TMEM43: variants seen among roughly 807,000 people sequenced by gnomAD.
TMEM43 encodes the protein arrhythmogenic right ventricular dysplasia 5.
A neutral mutation model predicts 49.6 loss-of-function variants in TMEM43; 45 were observed. That is an observed-to-expected ratio of 0.91 (90% CI 0.71 to 1.16). The LOEUF (loss-of-function observed/expected upper bound fraction) is 1.16. Ranked by LOEUF, TMEM43 falls within the 50% of genes most tolerant of loss-of-function variation. The probability of loss-of-function intolerance (pLI) is 0.00; values close to 1 mark genes in which losing one functional copy is unlikely to be tolerated. For synonymous variants in TMEM43, 199 were observed against 207.8 expected (o/e 0.96, Z 0.36); for missense variants, 532 against 516.6 (o/e 1.03, Z -0.29).
chr3:14,130,037 G>T lies in TMEM43; in HGVS notation c.162+476G>T, dbSNP rs192958719. Among the ~76,000 whole-genome samples, 627 of 86,470 alleles carry T rather than the reference G, an allele frequency of 7.3e-3. 4 individuals are homozygous for T. Among genetic ancestry groups the T allele is most frequent in the African/African-American group, 0.026 (582 of 22,090 alleles). 56.7% of individuals were successfully genotyped at this position (86,470 alleles called of 152,430 possible). ...CCTCCCTCCCTCCCTCCCTTCCTTT[G>T]TTCCTTTCTTCCTTCCTTCCTTTGT... On this transcript the variant is annotated intron_variant, in intron 2 of 11. Coordinates refer to ENST00000306077, the MANE Select transcript of TMEM43 (RefSeq NM_024334.3).
At chr3:14,134,082 C>T (rs371728126) in intron 7 of TMEM43, among the ~76,000 whole-genome samples, 14 of 152,332 alleles carry the variant, frequency 9.2e-5, no homozygotes, top group East Asian at 7.7e-4. Context: ...TGCTGCGTGC[C>T]GGTGTCTGCT....
Position 14,132,043 on chromosome 3 carries a change from T to A in TMEM43, c.392+369T>A, listed in dbSNP as rs373778284. Among the ~76,000 whole-genome samples, 14 of 139,288 alleles carry A rather than the reference T, an allele frequency of 1.0e-4. No individual in the cohort carries two copies. The East Asian group carries it at 3.1e-3, about 30-fold the overall frequency. 91.4% of individuals were successfully genotyped at this position (139,288 alleles called of 152,430 possible). The stretch of plus-strand genomic sequence containing the variant: ...CTTCCCATCAGCTGTGTTGGTCCCA[T>A]CTTTGCTCTACTTACAGCTTATCGT... On this transcript the variant is annotated intron_variant, in intron 4 of 11. Transcript: ENST00000306077.
chr3:14,140,935 G>A (rs1419261474), intron 11 of TMEM43, among the ~76,000 whole-genome samples: 2 of 152,194 alleles, frequency 1.3e-5, no homozygotes, highest in African/African-American at 4.8e-5. Context: ...GGAACTGAGC[G>A]AAGATTCCCT....
intron 11 of TMEM43, among the ~76,000 whole-genome samples, chr3:14,140,917 G>C (rs992651830): frequency 6.6e-6 from 1 of 152,204 alleles, no homozygotes; most frequent in South Asian, 2.1e-4. Context: ...ACCATTGGTG[G>C]CCTCCTGGGA....
chr3:14,136,737 C>T lies in TMEM43; in HGVS notation c.882+829C>T, dbSNP rs557338556. 1.5e-5 allele frequency among the ~76,000 whole-genome samples: 2 copies of T among 136,356 alleles called. 1 individual carries two copies. The highest frequency in any genetic ancestry group is 6.2e-5 in the African/African-American group (2 of 32,154). 89.5% of individuals were successfully genotyped at this position (136,356 alleles called of 152,430 possible). ...GGCTCCACCAAAGTCTGTGTCCTTC[C>T]AGAACATTAGGAGGGCGGGGAAGGG... On this transcript the variant is annotated intron_variant, in intron 10 of 11. Transcript: ENST00000306077.
In TMEM43 at chr3:14,133,804, C is replaced by T. The variant is rs140380494; in HGVS notation, c.578C>T (p.Ser193Leu). The T allele has an allele frequency of 2.4e-5, 38 of 1,614,140 alleles. 1 individual carries two copies. The highest frequency in any genetic ancestry group is 2.6e-5 in the Non-Finnish European group (31 of 1,179,966). ...GTCCAAATTGGCAGGTTTTTCCTCTCGTCAGGTAAGTCTCAGGCCTCTCCA... is the reference window on the plus strand; with the variant it reads ...GTCCAAATTGGCAGGTTTTTCCTCTTGTCAGGTAAGTCTCAGGCCTCTCCA... Reference protein sequence around the residue: ...PFVQIGRFFLSSGLIDKVDNF... With the variant: ...PFVQIGRFFLLSGLIDKVDNF... The change falls in exon 7 of 12, where the codon TCG becomes TTG. Residue 193 changes from serine (S) to leucine (L), a missense_variant. Coordinates refer to ENST00000306077, the MANE Select transcript of TMEM43 (RefSeq NM_024334.3).
rs770619613 is a variant in TMEM43, at chr3:14,129,446, A to G, written c.47A>G (p.Lys16Arg). The change falls in exon 2 of 12, where the codon AAA becomes AGA. Residue 16 changes from lysine to arginine, a missense_variant. Transcript: ENST00000306077. ...SSTSTRREHVKVKTSSQPGFL... is the reference protein window; with the variant it reads ...SSTSTRREHVRVKTSSQPGFL... ...ACCAGTACCCGGAGAGAACATGTCA[A>G]AGTTAAAACCAGCTCCCAGCCAGGC... is the stretch of plus-strand genomic sequence containing the variant. 21 of 1,614,068 alleles carry G rather than the reference A, an allele frequency of 1.3e-5. No homozygotes were observed. Among genetic ancestry groups the G allele is most frequent in the Non-Finnish European group, 1.7e-5 (20 of 1,180,004 alleles).
intron 11 of TMEM43, 67 bp from the exon 12 acceptor site, chr3:14,141,526 G>A (rs1266777429): frequency 6.8e-7 from 1 of 1,461,914 alleles, no homozygotes; most frequent in South Asian, 1.1e-5. Flanking sequence ...TCTAGGGACA[G>A]GAGAGATCTG....
At chr3:14,136,235 ATGGGGTCAAG>A (rs1695168547) in intron 10 of TMEM43, among the ~76,000 whole-genome samples, 2 of 152,238 alleles carry the variant, frequency 1.3e-5, no homozygotes, top group African/African-American at 4.8e-5. Context: ...AACCCGTCAC[ATGGGGTCAAG>A]TGTGGGATTT....
intron 4 of TMEM43, 116 bp from the exon 5 acceptor site, chr3:14,132,430 C>A: frequency 9.6e-7 from 1 of 1,036,612 alleles, no homozygotes; most frequent in Non-Finnish European, 1.5e-6. Context: ...AGGCATCTGC[C>A]GTATCTGGGG....
intron 10 of TMEM43, among the ~76,000 whole-genome samples, chr3:14,138,966 C>T (rs1453167160): frequency 6.6e-6 from 1 of 152,192 alleles, no homozygotes; most frequent in Non-Finnish European, 1.5e-5. Context: ...CTGAGGAAGG[C>T]CCGTACGTTC....
chr3:14,127,007 G>T (rs1223823594), intron 1 of TMEM43, among the ~76,000 whole-genome samples: 1 of 152,132 alleles, frequency 6.6e-6, no homozygotes, highest in African/African-American at 2.4e-5. Context: ...ATCAAATCCA[G>T]TTCTGTCCAT....
rs183834903 is a variant in TMEM43, at chr3:14,134,627, A to G, written c.584-143A>G. 8.0e-4 allele frequency: 901 copies of G among 1,120,778 alleles called. 10 individuals are homozygous for G. The Admixed American group carries it at 0.011, about 14-fold the overall frequency. The allele number at this position is 1,120,778 out of a possible 1,614,324, so 69.4% of individuals were successfully genotyped here. ...TAACCCAGGGGAAGCCGTGGACGAG[A>G]CAGAGTCAGAAAGAGGCACTGCAGG... On this transcript the variant is annotated intron_variant, in intron 7 of 11. Coordinates refer to ENST00000306077, the MANE Select transcript of TMEM43 (RefSeq NM_024334.3).
At chr3:14,130,782 C>A (rs1380964070) in intron 2 of TMEM43, 40 bp from the exon 3 acceptor site, 2 of 1,610,982 alleles carry the variant, frequency 1.2e-6, no homozygotes. Flanking sequence ...TGCTGAGCCA[C>A]CCCTGAGCTG....
At chr3:14,135,734 G>T in intron 9 of TMEM43, 73 bp from the exon 10 acceptor site, 1 of 1,324,354 alleles carries the variant, frequency 7.6e-7, no homozygotes, top group South Asian at 1.2e-5. Context: ...GTCCCGGGAG[G>T]GTGGGCCATG....
Position 14,131,501 on chromosome 3 carries a change from A to G in TMEM43, c.298-79A>G, listed in dbSNP as rs1178977769. ...TCTCTATTTCTTCCTCTTCCAGTCCAGCTTCCCCTGAGCCAGGCTTTCTGG... is the reference window on the plus strand; with the variant it reads ...TCTCTATTTCTTCCTCTTCCAGTCCGGCTTCCCCTGAGCCAGGCTTTCTGG... On this transcript the variant is annotated intron_variant, in intron 3 of 11. Coordinates refer to ENST00000306077, the MANE Select transcript of TMEM43 (RefSeq NM_024334.3). 21 of 1,192,894 alleles carry G rather than the reference A, an allele frequency of 1.8e-5. No individual in the cohort carries two copies. In the East Asian group the frequency reaches 5.2e-4, roughly 29 times the overall value. 73.9% of individuals were successfully genotyped at this position (1,192,894 alleles called of 1,614,324 possible). A position where few individuals can be genotyped will look rare whatever the true frequency, so the allele number is the denominator to read the frequency against.
At chr3:14,132,709 T>A in intron 5 of TMEM43, 114 bp downstream of exon 5, 1 of 1,415,442 alleles carries the variant, frequency 7.1e-7, no homozygotes, top group African/African-American at 1.4e-5. Flanking sequence ...GGCATCAGGA[T>A]CCCTGGGTGC....
intron 9 of TMEM43, among the ~76,000 whole-genome samples, chr3:14,135,467 A>C (rs1445877200): frequency 2.6e-5 from 4 of 152,140 alleles, no homozygotes; most frequent in Admixed American, 2.6e-4. Flanking sequence ...TCATAGTCGC[A>C]CCTTATGACA....
chr3:14,136,094 T>G (rs1231276236), intron 10 of TMEM43, 186 bp downstream of exon 10: 1 of 703,334 alleles, frequency 1.4e-6, no homozygotes, highest in Non-Finnish European at 2.6e-6. Flanking sequence ...TTCCAGATTT[T>G]TTTGGATTTG....
Sources: allele counts gnomAD v4.1 joint callset (sites outside exome capture counted in the v4.1 genomes callset), GRCh38; gene constraint gnomAD v4.1.1; transcripts MANE v1.5; gene names NCBI Gene and HGNC (gene_info 2026-07-23, HGNC 2026-07-21).